The following NAALADL2 variants were observed in gnomAD, a reference collection of about 807,000 sequenced individuals.
NAALADL2 encodes the protein N-acetylated alpha-linked acidic dipeptidase like 2.
A neutral mutation model predicts 87.2 loss-of-function variants in NAALADL2; 76 were observed. That is an observed-to-expected ratio of 0.87 (90% CI 0.72 to 1.05). The LOEUF is 1.05. NAALADL2 is among the 50% of genes least tolerant of loss of function. The pLI, the probability that NAALADL2 is intolerant of heterozygous loss-of-function variation, is 0.00. For synonymous variants in NAALADL2, 354 were observed against 331.0 expected (o/e 1.07, Z -0.75); for missense variants, 1,089 against 945.8 (o/e 1.15, Z -1.99).
intron 2 of NAALADL2, among the ~76,000 whole-genome samples, chr3:175,191,981 T>C (rs1225454922): frequency 6.7e-6 from 1 of 149,262 alleles, no homozygotes; most frequent in East Asian, 2.0e-4. Flanking sequence ...CAAAATGAAA[T>C]AATTTTAAGG....
At chr3:175,109,280 C>A (rs1723776045) in intron 2 of NAALADL2, among the ~76,000 whole-genome samples, 1 of 151,692 alleles carries the variant, frequency 6.6e-6, no homozygotes, top group Admixed American at 6.6e-5. Context: ...AAAGTAACAC[C>A]TGATAGCCTA....
intron 2 of NAALADL2, among the ~76,000 whole-genome samples, chr3:174,635,359 A>C (rs1458532008): frequency 6.6e-6 from 1 of 152,226 alleles, no homozygotes; most frequent in Non-Finnish European, 1.5e-5. Context: ...AAGTGCCTTG[A>C]TAATAGTTAC....
chr3:174,864,435 T>C (rs930747630), intron 1 of NAALADL2, among the ~76,000 whole-genome samples: 9 of 152,024 alleles, frequency 5.9e-5, no homozygotes, highest in African/African-American at 2.2e-4. Context: ...AAATATGGAG[T>C]TTGTTCCTGG....
chr3:175,662,398 T>A (rs1200022133), intron 11 of NAALADL2, among the ~76,000 whole-genome samples: 1 of 152,118 alleles, frequency 6.6e-6, no homozygotes, highest in South Asian at 2.1e-4. Context: ...TGGATTCTTT[T>A]AAGTTTTTCT....
intron 3 of NAALADL2, among the ~76,000 whole-genome samples, chr3:174,787,598 T>TATATATATATACACAC (rs1716903473): frequency 1.7e-5 from 1 of 60,184 alleles, no homozygotes; most frequent in African/African-American, 5.8e-5. Context: ...TATATATATA[T>TATATATATATACACAC]ATATATATAT....
chr3:175,036,100 G>T (rs1183006187), intron 1 of NAALADL2, among the ~76,000 whole-genome samples: 1 of 152,102 alleles, frequency 6.6e-6, no homozygotes, highest in Non-Finnish European at 1.5e-5. Flanking sequence ...TTTATGGTAA[G>T]ATACACTAGT....
At chr3:174,990,737 C>G (rs1399694395) in intron 1 of NAALADL2, among the ~76,000 whole-genome samples, 1 of 152,142 alleles carries the variant, frequency 6.6e-6, no homozygotes, top group Admixed American at 6.6e-5. Flanking sequence ...TCTCAACACT[C>G]TCTGCACATT....
intron 2 of NAALADL2, among the ~76,000 whole-genome samples, chr3:175,201,582 G>C (rs1740031299): frequency 6.6e-6 from 1 of 152,080 alleles, no homozygotes; most frequent in African/African-American, 2.4e-5. Context: ...AATCATTTCA[G>C]ACATTACATC....
chr3:174,530,586 G>T (rs1252416613), intron 1 of NAALADL2, among the ~76,000 whole-genome samples: 1 of 152,226 alleles, frequency 6.6e-6, no homozygotes. Context: ...TGGACTTACA[G>T]TTCCACCTGG....
chr3:175,739,720 AAAC>A (rs1213485364), intron 12 of NAALADL2, among the ~76,000 whole-genome samples: 1 of 152,222 alleles, frequency 6.6e-6, no homozygotes, highest in African/African-American at 2.4e-5. Flanking sequence ...AACAAAACAA[AAAC>A]AAACAGCAGT....
chr3:175,722,106 T>C (rs1742320288), intron 11 of NAALADL2, among the ~76,000 whole-genome samples: 1 of 152,058 alleles, frequency 6.6e-6, no homozygotes, highest in African/African-American at 2.4e-5. Context: ...AAGACCTTAA[T>C]CCCAGTTCTG....
chr3:175,105,215 C>T (rs1423681693), intron 2 of NAALADL2, among the ~76,000 whole-genome samples: 1 of 152,070 alleles, frequency 6.6e-6, no homozygotes, highest in Non-Finnish European at 1.5e-5. Context: ...TACTTCATTT[C>T]CTCCCATTTT....
chr3:175,338,758 A>C lies in NAALADL2; in HGVS notation c.1090+14433A>C, dbSNP rs958267801. Among the ~76,000 whole-genome samples, 8 of 152,132 alleles carry C rather than the reference A, an allele frequency of 5.3e-5. No homozygotes were observed. The East Asian group carries it at 9.7e-4, about 18-fold the overall frequency. ...CCACTAAAGTGTGAGCAGGAGTGCA[A>C]GAGTTCCTTGAGTTTCCCTGAAATA... is the stretch of plus-strand genomic sequence containing the variant. On this transcript the variant is annotated intron_variant, in intron 5 of 13. Transcript: ENST00000454872.
intron 2 of NAALADL2, among the ~76,000 whole-genome samples, chr3:175,202,490 T>C (rs1304737138): frequency 6.6e-6 from 1 of 152,178 alleles, no homozygotes; most frequent in African/African-American, 2.4e-5. Flanking sequence ...CCACACAACA[T>C]GCCAATAACT....
chr3:175,164,258 T>C (rs1733661959), intron 2 of NAALADL2, among the ~76,000 whole-genome samples: 1 of 151,834 alleles, frequency 6.6e-6, no homozygotes, highest in Admixed American at 6.6e-5. Context: ...TAAAAATATA[T>C]GTAAATATGT....
intron 2 of NAALADL2, among the ~76,000 whole-genome samples, chr3:175,133,869 A>G (rs1039961936): frequency 5.9e-5 from 9 of 152,208 alleles, no homozygotes; most frequent in Admixed American, 2.0e-4. Flanking sequence ...TTCAAAATGA[A>G]CATTTGAATG....
At chr3:174,468,361 AT>A (rs1463186605) in intron 1 of NAALADL2, among the ~76,000 whole-genome samples, 2 of 144,280 alleles carry the variant, frequency 1.4e-5, no homozygotes, top group East Asian at 4.1e-4. Context: ...ATTCATTTTC[AT>A]TTTCTTTCTT....
intron 13 of NAALADL2, among the ~76,000 whole-genome samples, chr3:175,794,854 C>T (rs977811976): frequency 6.6e-5 from 10 of 152,164 alleles, no homozygotes; most frequent in Non-Finnish European, 1.5e-4. Context: ...ATACTATAGA[C>T]TGGGTGGCTT....
intron 13 of NAALADL2, among the ~76,000 whole-genome samples, chr3:175,791,075 GT>G (rs2108289914): frequency 6.6e-6 from 1 of 152,254 alleles, no homozygotes; most frequent in Non-Finnish European, 1.5e-5. Context: ...ACCTTTAAAA[GT>G]TTCGCAGGTT....
Sources: gnomAD v4.1 joint callset for allele counts (sites outside exome capture counted in the v4.1 genomes callset) on GRCh38, gnomAD v4.1.1 for gene constraint, MANE v1.5 for transcripts, NCBI Gene and HGNC (gene_info 2026-07-23, HGNC 2026-07-21) for gene names.